The following C1QTNF3 variants were observed in gnomAD, a reference collection of about 807,000 sequenced individuals.
C1QTNF3 encodes the protein C1q and TNF related 3, also known as complement C1q tumor necrosis factor-related protein 3.
In C1QTNF3, 26 loss-of-function variants were observed where a neutral mutation model predicts 32.6. The ratio of observed to expected loss-of-function variants is 0.80; its 90% CI spans 0.58 to 1.11. The LOEUF is 1.11. C1QTNF3 is among the 50% of genes least tolerant of loss of function. The pLI is 0.00. For missense variants in C1QTNF3, 362 were observed against 398.2 expected (o/e 0.91, Z 0.77); for synonymous variants, 155 against 146.0 (o/e 1.06, Z -0.44).
chr5:34,030,875 T>C (rs1037326829), intron 3 of C1QTNF3, among the ~76,000 whole-genome samples: 2 of 152,100 alleles, frequency 1.3e-5, no homozygotes, highest in Non-Finnish European at 1.5e-5. Context: ...ATGTGGGAGC[T>C]AAATGATAAG....
At chr5:34,234,363 T>C in the C1QTNF3 span, among the ~76,000 whole-genome samples, 8 of 152,162 alleles carry the variant, frequency 5.3e-5, no homozygotes, top group Non-Finnish European at 1.2e-4. Context: ...CCAGATTACT[T>C]TGTATATATC....
the C1QTNF3 span, among the ~76,000 whole-genome samples, chr5:34,162,959 C>G: frequency 2.0e-5 from 3 of 152,126 alleles, no homozygotes; most frequent in Admixed American, 2.0e-4. Context: ...AAACATGTTT[C>G]TTCATCTTAA....
Position 34,042,933 on chromosome 5 carries a change from T to G in C1QTNF3, c.193A>C (p.Thr65Pro), listed in dbSNP as rs752992491. 8.1e-6 allele frequency: 13 copies of G among 1,613,974 alleles called. No homozygotes were observed. Among genetic ancestry groups the G allele is most frequent in the Admixed American group, 1.7e-5 (1 of 59,992 alleles). The change falls in exon 1 of 6, where the codon ACT becomes CCT. Residue 65 changes from threonine to proline, a missense_variant. Coordinates refer to ENST00000382065, the MANE Select transcript of C1QTNF3 (RefSeq NM_181435.6). ...GAAGTGTTATTATCCACAGTCCCAG[T>G]TTTAGGATGGCTCCGCTCTCTCACT... ...EKVRERSHPK[T>P]GTVDNNTSTD... is the part of the protein sequence containing the mutation.
the C1QTNF3 span, among the ~76,000 whole-genome samples, chr5:34,223,122 A>T: frequency 3.0e-4 from 44 of 147,462 alleles, no homozygotes; most frequent in South Asian, 2.2e-4. Context: ...GCACCCATTA[A>T]CTCGTCATTT....
chr5:34,217,993 TC>T, the C1QTNF3 span, among the ~76,000 whole-genome samples: 7 of 151,530 alleles, frequency 4.6e-5, no homozygotes, highest in African/African-American at 1.7e-4. Context: ...TTGTTAAGTC[TC>T]TATGGTTAGC....
At chr5:34,209,996 A>G in the C1QTNF3 span, among the ~76,000 whole-genome samples, 12,372 of 152,102 alleles carry the variant, frequency 0.081, 1,246 homozygotes, top group African/African-American at 0.24. Flanking sequence ...CCTGCATGCA[A>G]TCTAATATTA....
chr5:34,125,261 T>C, the C1QTNF3 span, among the ~76,000 whole-genome samples: 5 of 152,098 alleles, frequency 3.3e-5, no homozygotes, highest in African/African-American at 1.2e-4. Flanking sequence ...GGTCCATGCA[T>C]ATAAGCTAAG....
chr5:34,093,868 G>A, the C1QTNF3 span, among the ~76,000 whole-genome samples: 1 of 152,142 alleles, frequency 6.6e-6, no homozygotes, highest in African/African-American at 2.4e-5. Flanking sequence ...TCCGACCTTC[G>A]GGTAGGGATA....
chr5:34,104,587 G>A, the C1QTNF3 span, among the ~76,000 whole-genome samples: 1 of 83,956 alleles, frequency 1.2e-5, no homozygotes, highest in Non-Finnish European at 2.3e-5. Flanking sequence ...CCAGGCTGGA[G>A]TGCAATGGCA....
At chr5:34,235,097 G>A in the C1QTNF3 span, among the ~76,000 whole-genome samples, 77,478 of 151,752 alleles carry the variant, frequency 0.51, 22,992 homozygotes, top group Non-Finnish European at 0.66. Context: ...ACCACTTTAA[G>A]GTCATTTGAA....
At chr5:34,138,191 T>G in the C1QTNF3 span, among the ~76,000 whole-genome samples, 3 of 152,216 alleles carry the variant, frequency 2.0e-5, no homozygotes, top group Non-Finnish European at 4.4e-5. Context: ...TGCTGTTGTT[T>G]AAGCCATCCA....
intron 3 of C1QTNF3, among the ~76,000 whole-genome samples, chr5:34,031,059 T>C (rs1244562177): frequency 6.6e-6 from 1 of 151,882 alleles, no homozygotes; most frequent in Non-Finnish European, 1.5e-5. Flanking sequence ...GTAAAAAACC[T>C]GCACATGTAC....
In C1QTNF3 at chr5:34,023,906, C is replaced by A; in HGVS notation, c.800+3G>T. The A allele has an allele frequency of 6.2e-7, 1 of 1,612,762 alleles. No homozygotes were observed. Among genetic ancestry groups the A allele is most frequent in the Non-Finnish European group, 8.5e-7 (1 of 1,178,836 alleles). On this transcript the variant is annotated splice_donor_region_variant and intron_variant, in intron 5 of 5. Transcript: ENST00000382065. ...GAGACCCATGACAGAAAAGACCACCCACCTGTACATGCTGAAGACTGTGTT... is the reference window on the plus strand; with the variant it reads ...GAGACCCATGACAGAAAAGACCACCAACCTGTACATGCTGAAGACTGTGTT...
At chr5:34,038,433 CT>C (rs752547261) in intron 1 of C1QTNF3, among the ~76,000 whole-genome samples, 1 of 152,110 alleles carries the variant, frequency 6.6e-6, no homozygotes, top group Non-Finnish European at 1.5e-5. Context: ...GGAAAACTGA[CT>C]TGTGGCAAAT....
At chr5:34,163,968 C>T in the C1QTNF3 span, among the ~76,000 whole-genome samples, 80 of 152,242 alleles carry the variant, frequency 5.3e-4, 1 homozygote, top group South Asian at 0.015. Flanking sequence ...TTAGGACAGA[C>T]AGTGGAACAA....
At chr5:34,077,728 A>G in the C1QTNF3 span, among the ~76,000 whole-genome samples, 1 of 151,578 alleles carries the variant, frequency 6.6e-6, no homozygotes, top group African/African-American at 2.4e-5. Context: ...AAACTGGGAG[A>G]GGCTGACTTG....
the C1QTNF3 span, among the ~76,000 whole-genome samples, chr5:34,156,003 C>G: frequency 6.6e-6 from 1 of 152,212 alleles, no homozygotes; most frequent in Non-Finnish European, 1.5e-5. Context: ...GTCATCATGT[C>G]TCTCCATCTC....
chr5:34,146,615 T>G, the C1QTNF3 span, among the ~76,000 whole-genome samples: 1 of 152,218 alleles, frequency 6.6e-6, no homozygotes, highest in African/African-American at 2.4e-5. Flanking sequence ...GCTAGTCACA[T>G]GCAGAAGAAT....
chr5:34,165,841 A>T, the C1QTNF3 span: 2 of 148,524 alleles, frequency 1.3e-5, no homozygotes, highest in Non-Finnish European at 3.0e-5. Flanking sequence ...CCATGAGCTG[A>T]TTAATTAAAA....
Sources: gnomAD v4.1 joint callset for allele counts (sites outside exome capture counted in the v4.1 genomes callset) on GRCh38, gnomAD v4.1.1 for gene constraint, MANE v1.5 for transcripts, NCBI Gene and HGNC (gene_info 2026-07-23, HGNC 2026-07-21) for gene names.